FBXO25: variants seen among roughly 807,000 people sequenced by gnomAD.
The protein encoded by FBXO25 is F-box only protein 25.
In FBXO25, 45 loss-of-function variants were observed where a neutral mutation model predicts 51.9. That is an observed-to-expected ratio of 0.87 (90% CI 0.68 to 1.11). The LOEUF (loss-of-function observed/expected upper bound fraction) is 1.11. Ranked by LOEUF, FBXO25 falls within the 50% of genes most tolerant of loss-of-function variation. The pLI is 0.00. For missense variants in FBXO25, 507 were observed against 428.5 expected (o/e 1.18, Z -1.62); for synonymous variants, 199 against 151.0 (o/e 1.32, Z -2.33).
chr8:467,402 G>T (rs181179928), intron 9 of FBXO25, among the ~76,000 whole-genome samples: 1 of 152,210 alleles, frequency 6.6e-6, no homozygotes, highest in Non-Finnish European at 1.5e-5. Flanking sequence ...CTCTTCTTCA[G>T]TGAATAATTT....
At chr8:451,943 G>C (rs1201906233) in intron 7 of FBXO25, among the ~76,000 whole-genome samples, 2 of 151,972 alleles carry the variant, frequency 1.3e-5, no homozygotes, top group African/African-American at 4.8e-5. Context: ...TCTTTATTCT[G>C]GTAACTAGTT....
rs572439999 is a variant in FBXO25, at chr8:475,721, G to A, written c.*6917G>A. On this transcript the variant is annotated 3_prime_UTR_variant, in exon 10 of 10. Transcript: ENST00000350302. ...TTTCCTTTTGAGATTGCTTGTTATT[G>A]TATAGAAATATCATGGATTTGTTGT... 4.7e-4 allele frequency: 71 copies of A among 152,128 alleles called. No homozygotes were observed. Among genetic ancestry groups the A allele is most frequent in the African/African-American group, 1.7e-3 (71 of 41,506 alleles). 9.4% of individuals were successfully genotyped at this position (152,128 alleles called of 1,614,324 possible).
chr8:466,694 G>A (rs1800180026), intron 9 of FBXO25, among the ~76,000 whole-genome samples: 1 of 152,164 alleles, frequency 6.6e-6, no homozygotes, highest in South Asian at 2.1e-4. Flanking sequence ...GTGCTGTGGA[G>A]CCACTTCATC....
chr8:459,934 A>T (rs995851648), intron 8 of FBXO25, among the ~76,000 whole-genome samples: 3 of 152,154 alleles, frequency 2.0e-5, no homozygotes, highest in Non-Finnish European at 2.9e-5. Context: ...CCTTGGGGAA[A>T]ACTCTCTCAA....
At chr8:429,199 A>C (rs1326603831) in intron 2 of FBXO25, among the ~76,000 whole-genome samples, 5 of 150,364 alleles carry the variant, frequency 3.3e-5, no homozygotes, top group Admixed American at 2.6e-4. Flanking sequence ...GCATGTCAAC[A>C]CTTGTTAGTT....
intron 5 of FBXO25, among the ~76,000 whole-genome samples, chr8:439,743 C>G (rs912633727): frequency 3.3e-5 from 5 of 152,150 alleles, no homozygotes; most frequent in Non-Finnish European, 7.3e-5. Context: ...GAGATGGACT[C>G]CTGCTTCTCA....
intron 1 of FBXO25, among the ~76,000 whole-genome samples, chr8:412,181 A>G (rs886510218): frequency 6.6e-6 from 1 of 152,190 alleles, no homozygotes; most frequent in African/African-American, 2.4e-5. Flanking sequence ...CAAACTGAAC[A>G]GGCATGTCCT....
At chr8:438,126 C>G (rs181218391) in intron 5 of FBXO25, among the ~76,000 whole-genome samples, 26 of 151,850 alleles carry the variant, frequency 1.7e-4, no homozygotes, top group Admixed American at 1.3e-3. Context: ...ACGATCTCTG[C>G]TCACTGCAAC....
rs141707224 is a variant in FBXO25 at position 475,422 on chromosome 8, G to C, written c.*6618G>C. On this transcript the variant is annotated 3_prime_UTR_variant, in exon 10 of 10. Coordinates refer to ENST00000350302, the MANE Select transcript of FBXO25 (RefSeq NM_183420.2). Reference sequence around the variant, plus strand: ...TTTCAAGATGATTTTGGCTGTGTGAGGTCTCTTGAGATTCCATATGAGTTT... The same window carrying C: ...TTTCAAGATGATTTTGGCTGTGTGACGTCTCTTGAGATTCCATATGAGTTT... 6.5e-6 allele frequency: 1 copy of C among 154,592 alleles called. No homozygotes were observed. Among genetic ancestry groups the C allele is most frequent in the African/African-American group, 2.4e-5 (1 of 41,376 alleles). The allele number at this position is 154,592 out of a possible 1,614,324, so 9.6% of individuals were successfully genotyped here. A position where few individuals can be genotyped will look rare whatever the true frequency, so the allele number is the denominator to read the frequency against.
At position 465,000 on chromosome 8, in the gene FBXO25, G is replaced by C. The variant is rs535872344; in HGVS notation, c.987+1850G>C. ...AGTCAGCAAATCAGTTCATCAGTAA[G>C]ATTATGGATATACAGGAGAGAACCC... On this transcript the variant is annotated intron_variant, in intron 9 of 9. Coordinates refer to ENST00000350302, the MANE Select transcript of FBXO25 (RefSeq NM_183420.2). Among the ~76,000 whole-genome samples, 15 of 152,294 alleles carry C rather than the reference G, an allele frequency of 9.8e-5. No homozygotes were observed. The South Asian group carries it at 2.1e-3, about 21-fold the overall frequency.
At chr8:457,418 C>T (rs1232774512) in intron 7 of FBXO25, among the ~76,000 whole-genome samples, 2 of 152,222 alleles carry the variant, frequency 1.3e-5, no homozygotes, top group Non-Finnish European at 2.9e-5. Context: ...GCCACCCTTC[C>T]TCAGCCTGGC....
At chr8:441,150 A>T (rs1382778461) in intron 5 of FBXO25, among the ~76,000 whole-genome samples, 1 of 151,830 alleles carries the variant, frequency 6.6e-6, no homozygotes. Flanking sequence ...ACAGCATGAT[A>T]CTGGTACCAA....
At chr8:425,247 A>G (rs1464410038) in intron 2 of FBXO25, among the ~76,000 whole-genome samples, 2 of 152,006 alleles carry the variant, frequency 1.3e-5, no homozygotes, top group Admixed American at 6.6e-5. Flanking sequence ...CACCAAGTGT[A>G]TATTCCTAGA....
chr8:458,642 A>G (rs1799608858), intron 8 of FBXO25, 91 bp downstream of exon 8: 1 of 1,211,350 alleles, frequency 8.3e-7, no homozygotes, highest in Non-Finnish European at 1.2e-6. Context: ...GAGAGAAAGA[A>G]TGGCTGAGTA....
At chr8:439,952 G>A (rs1011692318) in intron 5 of FBXO25, among the ~76,000 whole-genome samples, 1 of 152,158 alleles carries the variant, frequency 6.6e-6, no homozygotes, top group African/African-American at 2.4e-5. Context: ...TAGAATCTCT[G>A]GCTATATGAA....
rs551013485 is a variant in FBXO25 at position 422,641 on chromosome 8, CT to C, written c.135-8698del. 7.2e-5 allele frequency among the ~76,000 whole-genome samples: 11 copies of C among 152,302 alleles called. No homozygotes were observed. The South Asian group carries it at 2.3e-3, about 32-fold the overall frequency. On this transcript the variant is annotated intron_variant, in intron 2 of 9. Transcript: ENST00000350302. ...CACTGTGTGTTCTGCCTCTGAAACTCTTGTGCAAGTCTAAAATCACCTTTAA... is the reference window on the plus strand; with the variant it reads ...CACTGTGTGTTCTGCCTCTGAAACTCTGTGCAAGTCTAAAATCACCTTTAA...
chr8:442,083 C>G (rs1001919198), intron 5 of FBXO25, among the ~76,000 whole-genome samples: 1 of 152,096 alleles, frequency 6.6e-6, no homozygotes, highest in African/African-American at 2.4e-5. Context: ...TATTGCTAAT[C>G]AGGCTTTTGT....
chr8:467,841 G>A (rs887482355), intron 9 of FBXO25: 8 of 1,595,688 alleles, frequency 5.0e-6, no homozygotes, highest in South Asian at 1.1e-5. Flanking sequence ...TGCCCGGCTC[G>A]ATTCCAGCTC....
intron 5 of FBXO25, among the ~76,000 whole-genome samples, chr8:439,730 C>G (rs1310522025): frequency 6.6e-6 from 1 of 152,194 alleles, no homozygotes; most frequent in Non-Finnish European, 1.5e-5. Context: ...CTCCTCATGT[C>G]TGGAGATGGA....
Sources: gnomAD v4.1 joint callset for allele counts (sites outside exome capture counted in the v4.1 genomes callset) on GRCh38, gnomAD v4.1.1 for gene constraint, MANE v1.5 for transcripts, NCBI Gene and HGNC (gene_info 2026-07-23, HGNC 2026-07-21) for gene names.